SNAP91: variants seen among roughly 807,000 people sequenced by gnomAD.
SNAP91 encodes synaptosome associated protein 91, also known as clathrin coat assembly protein AP180.
A neutral mutation model predicts 100.3 loss-of-function variants in SNAP91; 27 were observed. That is an observed-to-expected ratio of 0.27 (90% CI 0.20 to 0.37). SNAP91 has a LOEUF of 0.37. Ranked by LOEUF, SNAP91 falls within the 10% of genes least tolerant of loss-of-function variation. The probability of loss-of-function intolerance (pLI) is 1.00; values close to 1 mark genes in which losing one functional copy is unlikely to be tolerated. For synonymous variants in SNAP91, 404 were observed against 398.6 expected (o/e 1.01, Z -0.16); for missense variants, 986 against 1,123.7 (o/e 0.88, Z 1.75).
At chr6:83,575,856 G>C (rs1817863086) in intron 25 of SNAP91, among the ~76,000 whole-genome samples, 167 bp downstream of exon 25, 1 of 152,086 alleles carries the variant, frequency 6.6e-6, no homozygotes, top group African/African-American at 2.4e-5. Flanking sequence ...GGAGCTTCCA[G>C]TAGAATAACA....
chr6:83,580,422 G>GAAAA, intron 24 of SNAP91, 28 bp downstream of exon 24: 7 of 368,306 alleles, frequency 1.9e-5, no homozygotes, highest in South Asian at 2.4e-4. Context: ...TTCAGTTAAA[G>GAAAA]AAAAAAAAAA....
rs201644139 is a variant in SNAP91, at chr6:83,656,863, C to T, written c.549G>A (p.Val183=). ...GQIDALLEFD[V]HPNELTNGVI... is the part of the protein sequence containing the mutation. ...CACCATTTGTTAGTTCATTTGGATG[C>T]ACCTAGAAAAACAGAAAAATTTAAT... The change falls in exon 7 of 30, where the codon GTG becomes GTA. Residue 183 remains valine, a splice_region_variant and synonymous_variant. Transcript: ENST00000369694. 6.5e-7 allele frequency: 1 copy of T among 1,539,310 alleles called. No individual in the cohort carries two copies. The highest frequency in any genetic ancestry group is 1.2e-5 in the South Asian group (1 of 84,150).
At chr6:83,586,438 T>C (rs1245504195) in intron 22 of SNAP91, among the ~76,000 whole-genome samples, 1 of 152,210 alleles carries the variant, frequency 6.6e-6, no homozygotes, top group African/African-American at 2.4e-5. Context: ...AGTACAGATT[T>C]ATAGTGCAGT....
At chr6:83,687,934 G>A (rs372801239) in intron 2 of SNAP91, among the ~76,000 whole-genome samples, 3 of 152,262 alleles carry the variant, frequency 2.0e-5, no homozygotes, top group South Asian at 2.1e-4. Flanking sequence ...GTTATCTACC[G>A]AGAGGTGGAT....
intron 26 of SNAP91, among the ~76,000 whole-genome samples, chr6:83,567,889 T>C (rs1043102784): frequency 3.9e-5 from 6 of 152,110 alleles, no homozygotes; most frequent in Non-Finnish European, 7.4e-5. Context: ...ACTTTTACAC[T>C]GTTGGTGGGA....
intron 9 of SNAP91, 119 bp downstream of exon 9, chr6:83,623,182 A>G (rs2096798062): frequency 1.5e-6 from 1 of 685,588 alleles, no homozygotes; most frequent in Admixed American, 2.6e-5. Context: ...AATTTCCAAG[A>G]AAGTTGGTTG....
At chr6:83,601,627 A>G in intron 14 of SNAP91, 28 bp from the exon 15 acceptor site, 1 of 1,608,936 alleles carries the variant, frequency 6.2e-7, no homozygotes, top group Non-Finnish European at 8.5e-7. Flanking sequence ...ATGGCAGCAT[A>G]AGAATAAATA....
At chr6:83,703,002 G>A (rs1034363174) in intron 2 of SNAP91, among the ~76,000 whole-genome samples, 7 of 151,940 alleles carry the variant, frequency 4.6e-5, no homozygotes, top group Admixed American at 1.3e-4. Flanking sequence ...AATCACACAC[G>A]TTGGGCCCAT....
chr6:83,562,692 A>C (rs895575272), intron 26 of SNAP91, among the ~76,000 whole-genome samples: 2 of 152,260 alleles, frequency 1.3e-5, no homozygotes, highest in Non-Finnish European at 2.9e-5. Context: ...ACGCCACAAC[A>C]ACCAACTCTC....
At chr6:83,665,715 T>TA (rs1174834153) in intron 2 of SNAP91, 134 bp from the exon 3 acceptor site, 2 of 675,322 alleles carry the variant, frequency 3.0e-6, no homozygotes, top group Non-Finnish European at 2.4e-6. Flanking sequence ...TAACAAAATT[T>TA]AAAAAATTAA....
In SNAP91 at chr6:83,582,338, A is replaced by G. The variant is rs750572065; in HGVS notation, c.2033T>C (p.Met678Thr). Residue 678 changes from methionine to threonine, a missense_variant, in exon 23 of 30, where the codon ATG becomes ACG. Met to Thr is a moderately conservative substitution (Grantham distance 81). Coordinates refer to ENST00000369694, the MANE Select transcript of SNAP91 (RefSeq NM_001242792.2). ...AGTCACTGGAGATGGGGAAGGCGCC[A>G]TGAAAGAACCCCCAAATCCTGAAAA... is the stretch of plus-strand genomic sequence containing the variant. ...DLLAGFGGSF[M>T]APSPSPVTPA... 3.1e-6 allele frequency: 5 copies of G among 1,613,354 alleles called. No homozygotes were observed. Among genetic ancestry groups the G allele is most frequent in the Non-Finnish European group, 4.2e-6 (5 of 1,179,556 alleles).
intron 2 of SNAP91, among the ~76,000 whole-genome samples, chr6:83,696,938 T>C (rs2099221257): frequency 6.6e-6 from 1 of 152,166 alleles, no homozygotes. Flanking sequence ...TTGTGCTAAG[T>C]AAGCTAGTGA....
chr6:83,640,023 C>T (rs945551342), intron 8 of SNAP91, among the ~76,000 whole-genome samples: 2 of 152,076 alleles, frequency 1.3e-5, no homozygotes, highest in East Asian at 1.9e-4. Context: ...AGGAAAGAAA[C>T]GTGAATGTGC....
chr6:83,699,400 G>A (rs2099263387), intron 2 of SNAP91, among the ~76,000 whole-genome samples: 1 of 151,782 alleles, frequency 6.6e-6, no homozygotes, highest in Non-Finnish European at 1.5e-5. Context: ...AATAAATAAA[G>A]TAAAAAACCA....
intron 9 of SNAP91, 23 bp from the exon 10 acceptor site, chr6:83,617,062 A>G (rs1261214658): frequency 6.7e-7 from 1 of 1,485,578 alleles, no homozygotes; most frequent in African/African-American, 1.4e-5. Flanking sequence ...AGTAAAAATA[A>G]ATGTCTGCAT....
chr6:83,604,749 T>C (rs569371309), intron 14 of SNAP91, among the ~76,000 whole-genome samples: 3 of 152,296 alleles, frequency 2.0e-5, no homozygotes, highest in African/African-American at 7.2e-5. Flanking sequence ...ATGATTTTTA[T>C]TACCCTATAG....
intron 2 of SNAP91, among the ~76,000 whole-genome samples, chr6:83,694,485 T>C (rs2099169430): frequency 6.6e-6 from 1 of 152,158 alleles, no homozygotes; most frequent in African/African-American, 2.4e-5. Context: ...GTAGTTCTGG[T>C]TGAGACTGAC....
intron 2 of SNAP91, among the ~76,000 whole-genome samples, chr6:83,700,333 GAGA>G (rs1281610198): frequency 6.6e-6 from 1 of 151,996 alleles, no homozygotes; most frequent in Non-Finnish European, 1.5e-5. Flanking sequence ...AAGAAGCATG[GAGA>G]AGAAGGGCCA....
rs1004910122 is a variant in SNAP91, at chr6:83,684,089, G to A, written c.131-18508C>T. ...AAAGTATAGTTCTAAATACAAATGC[G>A]ATTATGTCTGATGAAATGAATAGTT... On this transcript the variant is annotated intron_variant, in intron 2 of 29. Transcript: ENST00000369694. 1.8e-4 allele frequency among the ~76,000 whole-genome samples: 27 copies of A among 152,140 alleles called. No homozygotes were observed. In the East Asian group the frequency reaches 2.5e-3, roughly 14 times the overall value.
Sources: gnomAD v4.1 joint callset for allele counts (sites outside exome capture counted in the v4.1 genomes callset) on GRCh38, gnomAD v4.1.1 for gene constraint, MANE v1.5 for transcripts, NCBI Gene and HGNC (gene_info 2026-07-23, HGNC 2026-07-21) for gene names.